Variants in ARFGEF1 observed in about 807,000 individuals in gnomAD.
The protein encoded by ARFGEF1 is brefeldin A-inhibited guanine nucleotide-exchange protein 1.
A neutral mutation model predicts 231.0 loss-of-function variants in ARFGEF1; 42 were observed. The ratio of observed to expected loss-of-function variants is 0.18; its 90% confidence interval spans 0.14 to 0.24. The LOEUF is 0.24. ARFGEF1 is among the 10% of genes least tolerant of loss of function. ARFGEF1 has a pLI of 1.00. For synonymous variants in ARFGEF1, 710 were observed against 732.3 expected, an observed-to-expected ratio of 0.97 and a Z score of 0.49; for missense variants, 1,345 against 2,192.0, an observed-to-expected ratio of 0.61 and a Z score of 7.72.
chr8:67,260,537 G>A (rs555419380), intron 14 of ARFGEF1, among the ~76,000 whole-genome samples: 32 of 152,248 alleles, frequency 2.1e-4, no homozygotes, highest in Admixed American at 1.6e-3. Flanking sequence ...CACAAACCAC[G>A]TCCATATAAG....
intron 5 of ARFGEF1, among the ~76,000 whole-genome samples, chr8:67,179,247 A>AT (rs1188903674): frequency 1.3e-5 from 2 of 151,474 alleles, no homozygotes; most frequent in Non-Finnish European, 2.9e-5. Flanking sequence ...CAATCTTAGC[A>AT]TTTTTTTTCG....
chr8:67,195,391 G>C (rs1170601676), downstream of ARFGEF1: 7 of 1,613,424 alleles, frequency 4.3e-6, no homozygotes, highest in Admixed American at 3.3e-5. Flanking sequence ...GATGATGAGA[G>C]TTCACTGGTT....
At chr8:67,331,214 G>A (rs1037202151) in intron 1 of ARFGEF1, among the ~76,000 whole-genome samples, 8 of 152,122 alleles carry the variant, frequency 5.3e-5, no homozygotes, top group Admixed American at 4.6e-4. Flanking sequence ...CATCGATTCA[G>A]AGAAACAAAA....
At chr8:67,233,631 T>A (rs1030502909) in intron 22 of ARFGEF1, among the ~76,000 whole-genome samples, 18 of 152,014 alleles carry the variant, frequency 1.2e-4, no homozygotes, top group African/African-American at 4.3e-4. Flanking sequence ...AGTCCTAGAT[T>A]ACTGAAACCA....
chr8:67,174,356 A>C (rs1003455662), downstream of ARFGEF1: 1 of 152,140 alleles, frequency 6.6e-6, no homozygotes, highest in Non-Finnish European at 1.5e-5. Flanking sequence ...AACTACATAT[A>C]TATTTAGGAT....
intron 7 of ARFGEF1, 31 bp downstream of exon 7, chr8:67,287,924 G>A: frequency 6.9e-7 from 1 of 1,456,568 alleles, no homozygotes; most frequent in Non-Finnish European, 9.3e-7. Flanking sequence ...CCCATAGACA[G>A]AGTAAAATAA....
intron 1 of ARFGEF1, among the ~76,000 whole-genome samples, chr8:67,321,465 T>TG (rs1471209420): frequency 6.6e-6 from 1 of 152,088 alleles, no homozygotes; most frequent in African/African-American, 2.4e-5. Flanking sequence ...TTGTTTGTTT[T>TG]GTTTTTTGTT....
intron 7 of ARFGEF1, among the ~76,000 whole-genome samples, chr8:67,280,928 T>C (rs1476926597): frequency 6.6e-6 from 1 of 151,758 alleles, no homozygotes; most frequent in African/African-American, 2.4e-5. Flanking sequence ...TCTGAGCAAA[T>C]GGGGAATTAG....
intron 8 of ARFGEF1, among the ~76,000 whole-genome samples, chr8:67,276,653 A>G (rs1805325793): frequency 1.3e-5 from 2 of 152,144 alleles, no homozygotes; most frequent in African/African-American, 4.8e-5. Flanking sequence ...TGTCATTACC[A>G]TGGTACTGAT....
chr8:67,297,440 G>C (rs564473613), intron 4 of ARFGEF1, among the ~76,000 whole-genome samples: 3 of 152,204 alleles, frequency 2.0e-5, no homozygotes, highest in Admixed American at 6.5e-5. Context: ...GTAGCTGGGC[G>C]TAAGTGCCAT....
chr8:67,338,991 A>G (rs1808473547), intron 1 of ARFGEF1, among the ~76,000 whole-genome samples: 1 of 152,154 alleles, frequency 6.6e-6, no homozygotes. Flanking sequence ...CCCTCCACTG[A>G]CGTATCTTTT....
intron 5 of ARFGEF1, among the ~76,000 whole-genome samples, chr8:67,187,431 C>T (rs1022064289): frequency 3.3e-5 from 5 of 152,038 alleles, no homozygotes; most frequent in African/African-American, 4.8e-5. Flanking sequence ...CACAGTGGCT[C>T]ACACCTGTAG....
At chr8:67,230,034 G>A (rs529793061) in intron 23 of ARFGEF1, among the ~76,000 whole-genome samples, 1 of 151,924 alleles carries the variant, frequency 6.6e-6, no homozygotes, top group African/African-American at 2.4e-5. Context: ...CTGTTGTGAT[G>A]GTGGAAGGTT....
At chr8:67,203,062 T>A in intron 36 of ARFGEF1, 21 bp downstream of exon 36, 1 of 1,602,404 alleles carries the variant, frequency 6.2e-7, no homozygotes, top group Non-Finnish European at 8.5e-7. Flanking sequence ...AAACATTAAA[T>A]GTGAGGCGTG....
intron 19 of ARFGEF1, among the ~76,000 whole-genome samples, chr8:67,245,036 G>C (rs1840062734): frequency 6.6e-6 from 1 of 150,700 alleles, no homozygotes; most frequent in South Asian, 2.1e-4. Flanking sequence ...AGACTATTCA[G>C]TGGAAACCAC....
Position 67,198,901 on chromosome 8 carries a change from G to C in ARFGEF1, c.*33C>G, listed in dbSNP as rs1376342397. The C allele has an allele frequency of 6.2e-7, 1 of 1,609,432 alleles. No individual in the cohort carries two copies. Among genetic ancestry groups the C allele is most frequent in the Admixed American group, 1.7e-5 (1 of 58,916 alleles). On this transcript the variant is annotated 3_prime_UTR_variant, in exon 39 of 39. Coordinates refer to ENST00000262215, the MANE Select transcript of ARFGEF1 (RefSeq NM_006421.5). ...CCAGCGTCCTTTTAAAGAGCAGAGG[G>C]ATGTAAATGCCAACAAAAATATTAA... is the stretch of plus-strand genomic sequence containing the variant.
intron 1 of ARFGEF1, among the ~76,000 whole-genome samples, chr8:67,315,549 CT>C (rs1378150850): frequency 6.6e-6 from 1 of 152,050 alleles, no homozygotes; most frequent in Non-Finnish European, 1.5e-5. Flanking sequence ...AGAGTGTGTT[CT>C]TTTTTTCCGA....
intron 5 of ARFGEF1, among the ~76,000 whole-genome samples, chr8:67,179,340 A>G (rs1832459017): frequency 6.6e-6 from 1 of 152,184 alleles, no homozygotes. Context: ...ATCTGAGAGT[A>G]TACCCCTCTC....
Position 67,271,778 on chromosome 8 carries a change from T to C in ARFGEF1, c.1496A>G (p.Glu499Gly). ...TATAGAAAGAGAAAGCTCAAAAACC[T>C]CTGGAACAGATGAGACTCCATTTTT... is the stretch of plus-strand genomic sequence containing the variant. ...LSKNGVSSVP[E>G]VFELSLSIFL... Residue 499 changes from glutamate (E) to glycine (G), a missense_variant, in exon 10 of 39, where the codon GAG (glutamate) becomes GGG (glycine). Around this residue, in one of 14 missense-constraint regions of ARFGEF1, gnomAD observed 141 missense variants for 259.9 expected, o/e 0.54. Coordinates refer to ENST00000262215, the MANE Select transcript of ARFGEF1 (RefSeq NM_006421.5). 2.5e-6 allele frequency: 4 copies of C among 1,613,796 alleles called. No homozygotes were observed. Among genetic ancestry groups the C allele is most frequent in the Non-Finnish European group, 3.4e-6 (4 of 1,179,834 alleles).
Sources: allele counts gnomAD v4.1 joint callset (sites outside exome capture counted in the v4.1 genomes callset), GRCh38; gene constraint gnomAD v4.1.1; regional missense constraint gnomAD v4.1.1; transcripts MANE v1.5; gene names NCBI Gene and HGNC (gene_info 2026-07-23, HGNC 2026-07-21).